Variants in AADACL2 observed in about 807,000 individuals in gnomAD.
AADACL2 encodes the protein arylacetamide deacetylase like 2, also known as arylacetamide deacetylase-like 2.
In AADACL2, 23 loss-of-function variants were observed where a neutral mutation model predicts 22.3. The ratio of observed to expected loss-of-function variants is 1.03; its 90% CI spans 0.74 to 1.46. AADACL2 has a LOEUF of 1.46. Ranked by LOEUF, AADACL2 falls within the 40% of genes most tolerant of loss-of-function variation. AADACL2 has a pLI of 0.00. For missense variants in AADACL2, 472 were observed against 482.9 expected (o/e 0.98, Z 0.21); for synonymous variants, 177 against 166.2 (o/e 1.07, Z -0.50).
chr3:151,761,075 T>A lies in AADACL2; in HGVS notation c.*3481T>A, dbSNP rs1429822379. 6.6e-6 allele frequency: 1 copy of A among 150,430 alleles called. No homozygotes were observed. Among genetic ancestry groups the A allele is most frequent in the African/African-American group, 2.4e-5 (1 of 40,944 alleles). The allele number at this position is 150,430 out of a possible 1,614,324, so 9.3% of individuals were successfully genotyped here. On this transcript the variant is annotated 3_prime_UTR_variant, in exon 5 of 5. Coordinates refer to ENST00000356517, the MANE Select transcript of AADACL2 (RefSeq NM_207365.4). ...CTTAGGACTCCAACATATAGATATG[T>A]TTTATATATATGGTGAGATATATAT...
rs2107994284 is a variant in AADACL2, at chr3:151,759,273, T to C, written c.*1679T>C. ...ATGATACTGAATCTGGTTCCAGTTCTTTTTCATCATTTAATATACTGGCTA... is the reference window on the plus strand; with the variant it reads ...ATGATACTGAATCTGGTTCCAGTTCCTTTTCATCATTTAATATACTGGCTA... On this transcript the variant is annotated 3_prime_UTR_variant, in exon 5 of 5. Coordinates refer to ENST00000356517, the MANE Select transcript of AADACL2 (RefSeq NM_207365.4). The C allele has an allele frequency of 6.6e-6, 1 of 152,296 alleles. No homozygotes were observed. The highest frequency in any genetic ancestry group is 2.1e-4 in the South Asian group (1 of 4,814). The allele number at this position is 152,296 out of a possible 1,614,324, so 9.4% of individuals were successfully genotyped here. A position where few individuals can be genotyped will look rare whatever the true frequency, so the allele number is the denominator to read the frequency against.
At chr3:151,745,082 A>G (rs1713394771) in intron 3 of AADACL2, among the ~76,000 whole-genome samples, 1 of 152,158 alleles carries the variant, frequency 6.6e-6, no homozygotes, top group Non-Finnish European at 1.5e-5. Flanking sequence ...TTTTTACCTA[A>G]ATGTCCTTGA....
At chr3:151,754,646 A>G (rs1713818944) in intron 4 of AADACL2, among the ~76,000 whole-genome samples, 1 of 152,170 alleles carries the variant, frequency 6.6e-6, no homozygotes, top group Admixed American at 6.6e-5. Context: ...ACAACCTTTA[A>G]GTTACTTAGC....
intron 4 of AADACL2, among the ~76,000 whole-genome samples, chr3:151,747,173 C>A (rs1713481008): frequency 6.6e-6 from 1 of 152,114 alleles, no homozygotes; most frequent in Non-Finnish European, 1.5e-5. Flanking sequence ...TATATGTATG[C>A]ATTTTTAAAC....
Position 151,755,217 on chromosome 3 carries a change from A to T in AADACL2, c.604-1775A>T, listed in dbSNP as rs1025817566. On this transcript the variant is annotated intron_variant, in intron 4 of 4. Coordinates refer to ENST00000356517, the MANE Select transcript of AADACL2 (RefSeq NM_207365.4). ...AAAATATTCATTTTTCTATTTTCCC[A>T]TATGATATTAATGACTTTATTATCT... 2.7e-5 allele frequency: 4 copies of T among 147,542 alleles called. No individual in the cohort carries two copies. The East Asian group carries it at 8.2e-4, about 30-fold the overall frequency. The allele number at this position is 147,542 out of a possible 1,614,324, so 9.1% of individuals were successfully genotyped here.
rs1713969238 is a variant in AADACL2, at chr3:151,757,435, G to A, written c.1047G>A (p.Met349Ile). 3.7e-6 allele frequency: 6 copies of A among 1,613,460 alleles called. No homozygotes were observed. The highest frequency in any genetic ancestry group is 4.2e-6 in the Non-Finnish European group (5 of 1,179,642). ...QHDLLRDDGL[M>I]YVTRLRNVGV... ...ATCTCTTAAGAGATGATGGACTTAT[G>A]TATGTTACAAGACTTCGAAATGTTG... The change falls in exon 5 of 5, where the codon ATG becomes ATA. Residue 349 changes from methionine (M) to isoleucine (I), a missense_variant. Coordinates refer to ENST00000356517, the MANE Select transcript of AADACL2 (RefSeq NM_207365.4).
chr3:151,740,148 G>A (rs1403682188), intron 1 of AADACL2, among the ~76,000 whole-genome samples: 1 of 152,214 alleles, frequency 6.6e-6, no homozygotes, highest in East Asian at 1.9e-4. Context: ...AGGCACATGA[G>A]AGCATCTCCT....
intron 4 of AADACL2, among the ~76,000 whole-genome samples, chr3:151,755,656 G>C (rs1713869809): frequency 6.6e-6 from 1 of 152,092 alleles, no homozygotes; most frequent in Admixed American, 6.6e-5. Flanking sequence ...TGACATAATG[G>C]GGAACATAGA....
intron 2 of AADACL2, 137 bp from the exon 3 acceptor site, chr3:151,743,956 T>C: frequency 1.3e-6 from 1 of 785,038 alleles, no homozygotes; most frequent in Non-Finnish European, 2.0e-6. Flanking sequence ...TTCAGGTCCA[T>C]CTGCTTGGAA....
intron 1 of AADACL2, among the ~76,000 whole-genome samples, chr3:151,738,582 G>T (rs184282318): frequency 6.6e-6 from 1 of 152,186 alleles, no homozygotes; most frequent in Non-Finnish European, 1.5e-5. Context: ...ATATCCTGAG[G>T]TGTGTTTTCC....
At chr3:151,745,202 T>C (rs1713399369) in intron 3 of AADACL2, among the ~76,000 whole-genome samples, 1 of 152,178 alleles carries the variant, frequency 6.6e-6, no homozygotes, top group Non-Finnish European at 1.5e-5. Context: ...GAGAATATGA[T>C]GTAAGCTATA....
chr3:151,755,388 G>A (rs1311573382), intron 4 of AADACL2, among the ~76,000 whole-genome samples: 1 of 151,946 alleles, frequency 6.6e-6, no homozygotes, highest in Non-Finnish European at 1.5e-5. Context: ...AGAGATTTGG[G>A]AATTTAAAAA....
At chr3:151,734,822 G>T (rs1231012937) in intron 1 of AADACL2, among the ~76,000 whole-genome samples, 6 of 152,116 alleles carry the variant, frequency 3.9e-5, no homozygotes, top group Non-Finnish European at 8.8e-5. Context: ...CAGGTTATGG[G>T]GTTGGGGAAG....
intron 1 of AADACL2, among the ~76,000 whole-genome samples, chr3:151,737,988 C>T (rs2107980591): frequency 6.6e-6 from 1 of 152,248 alleles, no homozygotes; most frequent in East Asian, 1.9e-4. Context: ...GAATTTGATC[C>T]TGTCATCATG....
intron 3 of AADACL2, 107 bp downstream of exon 3, chr3:151,744,269 A>G: frequency 1.9e-6 from 2 of 1,034,460 alleles, no homozygotes; most frequent in Non-Finnish European, 1.4e-6. Context: ...TTAAATTAAT[A>G]TATTTTACTT....
intron 4 of AADACL2, chr3:151,755,236 A>G (rs1576618244): frequency 9.8e-6 from 1 of 101,684 alleles, no homozygotes; most frequent in African/African-American, 3.3e-5. Context: ...TAATGACTTT[A>G]TTATCTTAGG....
chr3:151,739,848 G>C (rs867111508), intron 1 of AADACL2, among the ~76,000 whole-genome samples: 1 of 152,232 alleles, frequency 6.6e-6, no homozygotes, highest in Middle Eastern at 3.4e-3. Flanking sequence ...AGTAATGATA[G>C]ACCCCTCTCC....
intron 4 of AADACL2, among the ~76,000 whole-genome samples, chr3:151,753,760 T>C (rs1187887025): frequency 6.6e-6 from 1 of 152,090 alleles, no homozygotes; most frequent in Non-Finnish European, 1.5e-5. Flanking sequence ...TGACAGGCTA[T>C]GGATAAGTTG....
intron 4 of AADACL2, among the ~76,000 whole-genome samples, chr3:151,749,973 C>G (rs376582789): frequency 6.6e-6 from 1 of 152,226 alleles, no homozygotes; most frequent in Admixed American, 6.5e-5. Flanking sequence ...ATGATGTTAG[C>G]CTTGAGCTTG....
Sources: gnomAD v4.1 joint callset for allele counts (sites outside exome capture counted in the v4.1 genomes callset) on GRCh38, gnomAD v4.1.1 for gene constraint, MANE v1.5 for transcripts, NCBI Gene and HGNC (gene_info 2026-07-23, HGNC 2026-07-21) for gene names.